The following YBEY variants were observed in gnomAD, a reference collection of about 807,000 sequenced individuals.
YBEY encodes ybeY metalloendoribonuclease.
Under a neutral mutation model 13.5 loss-of-function variants are expected in YBEY, and 15 were observed. The ratio of observed to expected loss-of-function variants is 1.11; its 90% confidence interval spans 0.75 to 1.72. The LOEUF (loss-of-function observed/expected upper bound fraction) is 1.72. Ranked by LOEUF, YBEY falls within the 40% of genes most tolerant of loss-of-function variation. The probability of loss-of-function intolerance (pLI) is 0.00; values close to 1 mark genes in which losing one functional copy is unlikely to be tolerated. For synonymous variants in YBEY, 101 were observed against 83.1 expected, an observed-to-expected ratio of 1.21 and a Z score of -1.17; for missense variants, 244 against 208.4, an observed-to-expected ratio of 1.17 and a Z score of -1.05.
chr21:46,301,260 GC>G, downstream of YBEY: 1 of 269,128 alleles, frequency 3.7e-6, no homozygotes, highest in Non-Finnish European at 5.7e-6. Flanking sequence ...TCCCACCTCA[GC>G]CCCCAGAGCT....
the YBEY span, chr21:46,311,535 C>T: frequency 6.2e-7 from 1 of 1,611,920 alleles, no homozygotes; most frequent in South Asian, 1.1e-5. Context: ...GCTGAGGGAG[C>T]TGCTGAATGA....
At chr21:46,291,213 A>AT in intron 2 of YBEY, 121 bp from the exon 3 acceptor site, 2 of 1,182,682 alleles carry the variant, frequency 1.7e-6, no homozygotes, top group Non-Finnish European at 2.1e-6. Flanking sequence ...AAAAAAAAAA[A>AT]AAAGTGATTT....
intron 3 of YBEY, among the ~76,000 whole-genome samples, chr21:46,294,911 G>T (rs942273324): frequency 6.6e-5 from 10 of 152,218 alleles, no homozygotes; most frequent in African/African-American, 2.4e-4. Flanking sequence ...TTCCCAGCCA[G>T]ACCCAGTGTG....
intron 3 of YBEY, chr21:46,291,910 A>C: frequency 4.7e-5 from 43 of 909,744 alleles, no homozygotes; most frequent in Non-Finnish European, 5.0e-5. Flanking sequence ...GCAGTAGAGA[A>C]AGAGTTTAAC....
the YBEY span, among the ~76,000 whole-genome samples, chr21:46,310,431 A>G: frequency 6.6e-6 from 1 of 151,492 alleles, no homozygotes; most frequent in Non-Finnish European, 1.5e-5. Context: ...GTGAGCCAAG[A>G]TGGCGCCATT....
downstream of YBEY, among the ~76,000 whole-genome samples, chr21:46,299,613 G>A (rs1361586475): frequency 6.6e-6 from 1 of 152,134 alleles, no homozygotes; most frequent in Non-Finnish European, 1.5e-5. Flanking sequence ...GAGTTGCATT[G>A]AATCTGCAGA....
At chr21:46,311,682 CCCAT>C in the YBEY span, 1 of 513,550 alleles carries the variant, frequency 1.9e-6, no homozygotes, top group Non-Finnish European at 3.4e-6. Flanking sequence ...CAACCATCCA[CCCAT>C]CCATCCAACC....
At chr21:46,308,555 G>A in the YBEY span, among the ~76,000 whole-genome samples, 1 of 152,202 alleles carries the variant, frequency 6.6e-6, no homozygotes, top group Non-Finnish European at 1.5e-5. Context: ...AAAGACTGAG[G>A]CAGGAATGTC....
downstream of YBEY, among the ~76,000 whole-genome samples, chr21:46,298,434 C>CTTTTT (rs557264546): frequency 8.1e-4 from 79 of 97,178 alleles, 20 homozygotes; most frequent in Non-Finnish European, 1.3e-3. Flanking sequence ...TTAATCCAAG[C>CTTTTT]TTTTTTTTTT....
the YBEY span, chr21:46,311,637 A>C: frequency 1.2e-6 from 1 of 853,086 alleles, no homozygotes; most frequent in Non-Finnish European, 1.8e-6. Flanking sequence ...TCTACCACCC[A>C]TCCATCCACC....
At chr21:46,310,714 C>G in the YBEY span, among the ~76,000 whole-genome samples, 6 of 150,570 alleles carry the variant, frequency 4.0e-5, no homozygotes, top group Admixed American at 3.3e-4. Flanking sequence ...GAGGCTGAGG[C>G]AGGAGAAGTC....
intron 4 of YBEY, among the ~76,000 whole-genome samples, 188 bp downstream of exon 4, chr21:46,296,418 G>A (rs2145839101): frequency 6.6e-6 from 1 of 152,246 alleles, no homozygotes. Flanking sequence ...AGCTGAATGT[G>A]TTCACTAAGG....
intron 4 of YBEY, 126 bp from the exon 5 acceptor site, chr21:46,297,413 G>C (rs1002132809): frequency 2.1e-6 from 2 of 941,108 alleles, no homozygotes; most frequent in Non-Finnish European, 2.8e-6. Flanking sequence ...TTCGGCCTGA[G>C]CTAGAGCCGC....
the YBEY span, among the ~76,000 whole-genome samples, chr21:46,307,414 A>C: frequency 6.6e-6 from 1 of 151,350 alleles, no homozygotes; most frequent in Non-Finnish European, 1.5e-5. Context: ...TGCTTTTTAG[A>C]ACCTATGGCA....
chr21:46,302,903 C>T, the YBEY span, among the ~76,000 whole-genome samples: 1 of 76,002 alleles, frequency 1.3e-5, no homozygotes, highest in Non-Finnish European at 2.5e-5. Flanking sequence ...CCCCGGGGCG[C>T]GCCCTGAGCC....
At chr21:46,292,379 C>T (rs2081752935) in intron 3 of YBEY, among the ~76,000 whole-genome samples, 1 of 152,222 alleles carries the variant, frequency 6.6e-6, no homozygotes, top group Admixed American at 6.5e-5. Flanking sequence ...AGGCCCCTCC[C>T]ATCATCCTAA....
chr21:46,307,986 T>G, the YBEY span, among the ~76,000 whole-genome samples: 1 of 152,020 alleles, frequency 6.6e-6, no homozygotes, highest in African/African-American at 2.4e-5. Flanking sequence ...AGATAACAGT[T>G]TGGCAGTTTC....
At chr21:46,297,882 C>T, downstream of YBEY, 1 of 854,952 alleles carries the variant, frequency 1.2e-6, no homozygotes, top group Non-Finnish European at 1.5e-6. Flanking sequence ...TCTCGCCCTT[C>T]AAGGGGGTCC....
the YBEY span, among the ~76,000 whole-genome samples, chr21:46,309,299 A>G: frequency 6.6e-6 from 1 of 152,144 alleles, no homozygotes. Context: ...CGTCTCTACT[A>G]AAAACCACAA....
Sources: gnomAD v4.1 joint callset for allele counts (sites outside exome capture counted in the v4.1 genomes callset) on GRCh38, gnomAD v4.1.1 for gene constraint, MANE v1.5 for transcripts, NCBI Gene and HGNC (gene_info 2026-07-23, HGNC 2026-07-21) for gene names.